Variants in CD48 observed in about 807,000 individuals in gnomAD.
CD48 encodes CD48 antigen.
CD48 carries 20 observed loss-of-function variants against 22.0 expected under a neutral mutation model. The observed-to-expected ratio is 0.91, with a 90% confidence interval of 0.64 to 1.32. CD48 has a LOEUF of 1.32. Ranked by LOEUF, CD48 falls within the 40% of genes most tolerant of loss-of-function variation. The pLI is 0.00. For synonymous variants in CD48, 110 were observed against 110.1 expected (o/e 1.00, Z 0.01); for missense variants, 307 against 286.5 (o/e 1.07, Z -0.52).
At chr1:160,709,775 A>G (rs2102444656) in intron 1 of CD48, among the ~76,000 whole-genome samples, 3 of 152,346 alleles carry the variant, frequency 2.0e-5, no homozygotes, top group Middle Eastern at 6.8e-3. Context: ...GAAGTTGTTC[A>G]TTCATTTGTG....
intron 1 of CD48, among the ~76,000 whole-genome samples, chr1:160,710,183 A>G (rs941192174): frequency 6.6e-6 from 1 of 152,246 alleles, no homozygotes; most frequent in Non-Finnish European, 1.5e-5. Context: ...AGGTATAATC[A>G]TAATAGAATG....
intron 1 of CD48, among the ~76,000 whole-genome samples, chr1:160,710,385 C>G (rs1302560034): frequency 6.9e-6 from 1 of 145,142 alleles, no homozygotes; most frequent in Non-Finnish European, 1.5e-5. Flanking sequence ...TTTACTAACC[C>G]AGGTTATAGC....
chr1:160,690,080 A>G (rs1286064300), intron 1 of CD48, among the ~76,000 whole-genome samples: 1 of 152,190 alleles, frequency 6.6e-6, no homozygotes, highest in Non-Finnish European at 1.5e-5. Context: ...TTAAAGTGCG[A>G]TTGGCCTGTT....
intron 1 of CD48, among the ~76,000 whole-genome samples, chr1:160,701,469 A>G (rs1321122622): frequency 6.6e-6 from 1 of 151,940 alleles, no homozygotes; most frequent in Non-Finnish European, 1.5e-5. Context: ...TTCCATTGTA[A>G]GGGAATGGGA....
chr1:160,695,033 G>C (rs977924026), intron 1 of CD48, among the ~76,000 whole-genome samples: 1 of 152,130 alleles, frequency 6.6e-6, no homozygotes, highest in South Asian at 2.1e-4. Flanking sequence ...CTCCAACCTG[G>C]GTTGCCCTCT....
intron 1 of CD48, among the ~76,000 whole-genome samples, chr1:160,701,761 G>C (rs762649055): frequency 5.3e-5 from 8 of 152,146 alleles, no homozygotes; most frequent in Non-Finnish European, 1.0e-4. Context: ...AATGTGCTCT[G>C]ATAAATTTCC....
At chr1:160,695,477 A>G in intron 1 of CD48, among the ~76,000 whole-genome samples, 1 of 152,322 alleles carries the variant, frequency 6.6e-6, no homozygotes, top group Admixed American at 6.5e-5. Context: ...ATTAAGCCAC[A>G]AAAAATAGAA....
At chr1:160,692,885 A>G (rs1286671652) in intron 1 of CD48, among the ~76,000 whole-genome samples, 2 of 152,162 alleles carry the variant, frequency 1.3e-5, no homozygotes, top group Non-Finnish European at 2.9e-5. Flanking sequence ...TTATATGAGG[A>G]CATTATTAGA....
chr1:160,684,074 A>T (rs1661903667), intron 2 of CD48: 1 of 152,212 alleles, frequency 6.6e-6, no homozygotes, highest in Non-Finnish European at 1.5e-5. Flanking sequence ...TAACATGTGT[A>T]AAATGGCAGG....
intron 3 of CD48, 82 bp from the exon 4 acceptor site, chr1:160,679,213 T>C (rs1250598693): frequency 1.9e-6 from 2 of 1,061,172 alleles, no homozygotes; most frequent in Admixed American, 1.8e-5. Flanking sequence ...TACTGGACAC[T>C]GGTGTGGGAG....
intron 2 of CD48, 38 bp from the exon 3 acceptor site, chr1:160,681,506 G>A: frequency 6.2e-7 from 1 of 1,601,984 alleles, no homozygotes; most frequent in South Asian, 1.1e-5. Flanking sequence ...GAGACAGTGA[G>A]GCATTCATGC....
At chr1:160,702,140 G>A (rs1336112355) in intron 1 of CD48, among the ~76,000 whole-genome samples, 4 of 152,146 alleles carry the variant, frequency 2.6e-5, no homozygotes, top group African/African-American at 7.2e-5. Flanking sequence ...TATGAATGGT[G>A]AATCCTTTAG....
chr1:160,697,220 G>T (rs1159673814), intron 1 of CD48, among the ~76,000 whole-genome samples: 1 of 152,380 alleles, frequency 6.6e-6, no homozygotes, highest in East Asian at 1.9e-4. Flanking sequence ...GAGAGGTTTT[G>T]CTTGTGTTTC....
chr1:160,703,897 G>A (rs1662711167), intron 1 of CD48, among the ~76,000 whole-genome samples: 2 of 152,178 alleles, frequency 1.3e-5, no homozygotes, highest in African/African-American at 4.8e-5. Context: ...CAGCAAGGAG[G>A]TGGCGAGTGG....
chr1:160,688,184 G>T (rs1032133842), intron 1 of CD48, among the ~76,000 whole-genome samples: 2 of 152,182 alleles, frequency 1.3e-5, no homozygotes, highest in African/African-American at 2.4e-5. Flanking sequence ...TTAACAAAAT[G>T]AGCCGTTTGA....
intron 1 of CD48, among the ~76,000 whole-genome samples, chr1:160,701,384 G>A (rs1384980596): frequency 1.3e-5 from 2 of 151,866 alleles, no homozygotes; most frequent in African/African-American, 4.8e-5. Context: ...CAACTGCTCA[G>A]AAACCAATTG....
intron 1 of CD48, among the ~76,000 whole-genome samples, chr1:160,694,245 C>T (rs1662329693): frequency 6.6e-6 from 1 of 152,182 alleles, no homozygotes; most frequent in African/African-American, 2.4e-5. Flanking sequence ...ATAAAAAGAA[C>T]AGGAGGGTTT....
intron 1 of CD48, among the ~76,000 whole-genome samples, chr1:160,707,758 C>T (rs1662834008): frequency 6.6e-6 from 1 of 152,100 alleles, no homozygotes; most frequent in Non-Finnish European, 1.5e-5. Flanking sequence ...TACTCTGAGA[C>T]CCCAGCTTGA....
intron 1 of CD48, among the ~76,000 whole-genome samples, chr1:160,697,224 G>C (rs1662461065): frequency 6.6e-6 from 1 of 152,290 alleles, no homozygotes; most frequent in Admixed American, 6.5e-5. Flanking sequence ...GGTTTTGCTT[G>C]TGTTTCACCA....
Sources: allele counts gnomAD v4.1 joint callset (sites outside exome capture counted in the v4.1 genomes callset), GRCh38; gene constraint gnomAD v4.1.1; transcripts MANE v1.5; gene names NCBI Gene and HGNC (gene_info 2026-07-23, HGNC 2026-07-21).